The following P4HA1 variants were observed in gnomAD, a reference collection of about 807,000 sequenced individuals.
P4HA1 encodes the protein prolyl 4-hydroxylase subunit alpha-1.
In P4HA1, 24 loss-of-function variants were observed where a neutral mutation model predicts 72.8. The observed-to-expected ratio is 0.33, with a 90% CI of 0.24 to 0.46. The LOEUF is 0.46. Ranked by LOEUF, P4HA1 falls within the 20% of genes least tolerant of loss-of-function variation. P4HA1 has a pLI of 1.00. For synonymous variants in P4HA1, 201 were observed against 218.8 expected, an observed-to-expected ratio of 0.92 and a Z score of 0.72; for missense variants, 446 against 640.6, an observed-to-expected ratio of 0.70 and a Z score of 3.28.
intron 5 of P4HA1, among the ~76,000 whole-genome samples, chr10:73,059,990 C>T (rs763320650): frequency 9.2e-5 from 14 of 151,850 alleles, no homozygotes; most frequent in Non-Finnish European, 1.9e-4. Flanking sequence ...AAAACGAGGA[C>T]AATCCCTAAA....
chr10:73,093,873 A>AAAAAATAT (rs1564640954), intron 1 of P4HA1, among the ~76,000 whole-genome samples: 1 of 29,324 alleles, frequency 3.4e-5, no homozygotes, highest in Non-Finnish European at 7.9e-5. Flanking sequence ...AAAAAAAAAA[A>AAAAAATAT]ATATATATAT....
intron 1 of P4HA1, among the ~76,000 whole-genome samples, chr10:73,092,898 C>T (rs1842065804): frequency 6.6e-6 from 1 of 151,676 alleles, no homozygotes; most frequent in Non-Finnish European, 1.5e-5. Context: ...ATGGGAGAAT[C>T]ACTTGAGGCC....
intron 1 of P4HA1, among the ~76,000 whole-genome samples, chr10:73,076,999 C>T (rs539781005): frequency 6.6e-6 from 1 of 152,328 alleles, no homozygotes; most frequent in Admixed American, 6.5e-5. Context: ...TCTCCTCCCT[C>T]GAGTTTGCTG....
At chr10:73,043,961 CA>C (rs763257814) in intron 9 of P4HA1, 4 of 1,607,046 alleles carry the variant, frequency 2.5e-6, no homozygotes, top group South Asian at 2.2e-5. Context: ...GGCTCAGCTA[CA>C]AAAAAAGAGA....
intron 9 of P4HA1, among the ~76,000 whole-genome samples, chr10:73,037,569 ATATTTT>A (rs1483600997): frequency 4.1e-4 from 11 of 26,726 alleles, no homozygotes; most frequent in African/African-American, 1.2e-3. Flanking sequence ...ATATATATAT[ATATTTT>A]TTTTTTTTTT....
At chr10:73,095,408 A>G (rs1842142479) in intron 1 of P4HA1, among the ~76,000 whole-genome samples, 1 of 151,952 alleles carries the variant, frequency 6.6e-6, no homozygotes, top group African/African-American at 2.4e-5. Context: ...ATTAACTTCC[A>G]ACGTTCCTGC....
chr10:73,090,380 T>C (rs1842003549), intron 1 of P4HA1, among the ~76,000 whole-genome samples: 1 of 152,216 alleles, frequency 6.6e-6, no homozygotes, highest in Non-Finnish European at 1.5e-5. Context: ...GCAGTCCTCC[T>C]GCCTCGGCCA....
rs774353677 is a variant in P4HA1, at chr10:73,030,340, C to T, written c.1179G>A (p.Val393=). The change falls in exon 10 of 15, where the codon GTG becomes GTA. Residue 393 remains valine, a synonymous_variant. Transcript: ENST00000394890. ...SAWLSGYENP[V]VSRINMRIQD... Reference sequence around the variant, plus strand: ...GTATTCTCATATTAATTCGAGACACCACAGGATTTTCATAGCCAGAGAGCC... The same window carrying T: ...GTATTCTCATATTAATTCGAGACACTACAGGATTTTCATAGCCAGAGAGCC... 3 of 1,574,704 alleles carry T rather than the reference C, an allele frequency of 1.9e-6. No homozygotes were observed. The highest frequency in any genetic ancestry group is 1.2e-5 in the South Asian group (1 of 85,768).
chr10:73,084,094 CCAAA>C (rs1434192737), intron 1 of P4HA1, among the ~76,000 whole-genome samples: 1 of 152,136 alleles, frequency 6.6e-6, no homozygotes, highest in Non-Finnish European at 1.5e-5. Context: ...CCTTTTGTTC[CCAAA>C]CAAATTTCAC....
intron 7 of P4HA1, among the ~76,000 whole-genome samples, chr10:73,048,823 A>T (rs1308014307): frequency 6.6e-6 from 1 of 152,192 alleles, no homozygotes; most frequent in East Asian, 1.9e-4. Context: ...ATATTTAGTA[A>T]TGAAACAGAA....
At chr10:73,045,139 C>A in intron 8 of P4HA1, 88 bp from the exon 9 acceptor site, 1 of 1,046,294 alleles carries the variant, frequency 9.6e-7, no homozygotes, top group Non-Finnish European at 1.5e-6. Flanking sequence ...AGGGTTTTTA[C>A]AAAGGAGGCT....
At chr10:73,078,420 T>G (rs1841749333) in intron 1 of P4HA1, among the ~76,000 whole-genome samples, 1 of 152,042 alleles carries the variant, frequency 6.6e-6, no homozygotes, top group African/African-American at 2.4e-5. Context: ...CATACAACCT[T>G]GGTGGAATCT....
At chr10:73,022,222 G>A (rs1840152771) in intron 10 of P4HA1, among the ~76,000 whole-genome samples, 1 of 152,162 alleles carries the variant, frequency 6.6e-6, no homozygotes, top group Non-Finnish European at 1.5e-5. Context: ...AGCCTAACTG[G>A]GGGAAACCTC....
intron 1 of P4HA1, among the ~76,000 whole-genome samples, chr10:73,078,600 ATTTTTTTTTT>A (rs770821126): frequency 3.0e-5 from 3 of 99,630 alleles, no homozygotes; most frequent in African/African-American, 4.7e-5. Flanking sequence ...GCAGTAGGTA[ATTTTTTTTTT>A]TTTTTTTTTT....
intron 5 of P4HA1, among the ~76,000 whole-genome samples, chr10:73,064,912 G>A (rs933555246): frequency 1.3e-5 from 2 of 152,204 alleles, no homozygotes; most frequent in Non-Finnish European, 2.9e-5. Flanking sequence ...TAAACTGAGA[G>A]AGACACGTAA....
chr10:73,041,311 G>A (rs947712508), intron 9 of P4HA1, among the ~76,000 whole-genome samples: 13 of 152,124 alleles, frequency 8.5e-5, no homozygotes, highest in South Asian at 2.1e-4. Flanking sequence ...TTGGGAGGCC[G>A]AGGCAGGCGG....
intron 5 of P4HA1, among the ~76,000 whole-genome samples, chr10:73,061,387 C>A (rs1841309942): frequency 6.6e-6 from 1 of 151,666 alleles, no homozygotes; most frequent in African/African-American, 2.4e-5. Flanking sequence ...TTCCACATAA[C>A]ATATGACTAG....
At chr10:73,063,599 G>C (rs1488535424) in intron 5 of P4HA1, among the ~76,000 whole-genome samples, 2 of 152,204 alleles carry the variant, frequency 1.3e-5, no homozygotes, top group South Asian at 4.1e-4. Context: ...AAACTGAGAA[G>C]ATGAGCTCAT....
At chr10:73,095,890 C>T (rs1842153767) in intron 1 of P4HA1, among the ~76,000 whole-genome samples, 1 of 151,478 alleles carries the variant, frequency 6.6e-6, no homozygotes, top group Admixed American at 6.6e-5. Context: ...ATCATACCAT[C>T]CTTCCTCCCC....
Sources: gnomAD v4.1 joint callset for allele counts (sites outside exome capture counted in the v4.1 genomes callset) on GRCh38, gnomAD v4.1.1 for gene constraint, MANE v1.5 for transcripts, NCBI Gene and HGNC (gene_info 2026-07-23, HGNC 2026-07-21) for gene names.